The following DCC variants were observed in gnomAD, a reference collection of about 807,000 sequenced individuals.
DCC encodes netrin receptor DCC.
A neutral mutation model predicts 172.5 loss-of-function variants in DCC; 58 were observed. The ratio of observed to expected loss-of-function variants is 0.34; its 90% CI spans 0.27 to 0.42. The LOEUF (loss-of-function observed/expected upper bound fraction) is 0.42. Among genes scored for constraint, DCC ranks in the 10% least tolerant of loss-of-function variants. The pLI is 1.00. For missense variants in DCC, 1,740 were observed against 1,791.0 expected (o/e 0.97, Z 0.51); for synonymous variants, 709 against 644.5 (o/e 1.10, Z -1.52).
chr18:52,722,770 C>T (rs1183517449), intron 1 of DCC, among the ~76,000 whole-genome samples: 1 of 152,164 alleles, frequency 6.6e-6, no homozygotes, highest in African/African-American at 2.4e-5. Context: ...GGTCTCCTTT[C>T]ACCACCATTT....
chr18:52,781,144 GATA>G (rs1472198915), intron 2 of DCC, among the ~76,000 whole-genome samples: 1 of 152,116 alleles, frequency 6.6e-6, no homozygotes, highest in East Asian at 1.9e-4. Flanking sequence ...CTGATCTAAT[GATA>G]ATAGGTTGAG....
At chr18:52,922,428 C>T (rs949981093) in intron 3 of DCC, among the ~76,000 whole-genome samples, 1 of 152,068 alleles carries the variant, frequency 6.6e-6, no homozygotes, top group Non-Finnish European at 1.5e-5. Flanking sequence ...TCTCTTTGAC[C>T]ACCAGCAGCT....
intron 1 of DCC, among the ~76,000 whole-genome samples, chr18:52,534,320 A>G (rs557773032): frequency 1.3e-5 from 2 of 152,304 alleles, no homozygotes; most frequent in Admixed American, 1.3e-4. Flanking sequence ...ATATGAAAAA[A>G]TAATAAATTT....
intron 7 of DCC, among the ~76,000 whole-genome samples, chr18:53,128,834 C>T (rs916106954): frequency 4.6e-5 from 3 of 65,834 alleles, no homozygotes; most frequent in Non-Finnish European, 6.5e-5. Context: ...TACACATACA[C>T]ACACACACAC....
chr18:53,135,283 C>T (rs2043723149), intron 7 of DCC, among the ~76,000 whole-genome samples: 1 of 151,984 alleles, frequency 6.6e-6, no homozygotes, highest in South Asian at 2.1e-4. Flanking sequence ...ACTTGGCAGC[C>T]TTAAGCTCAA....
At chr18:52,922,740 CCCT>C (rs2040144824) in intron 3 of DCC, among the ~76,000 whole-genome samples, 4 of 152,170 alleles carry the variant, frequency 2.6e-5, no homozygotes, top group African/African-American at 4.8e-5. Flanking sequence ...GGGTAGAACA[CCCT>C]CCTCCAAGGA....
chr18:52,930,046 C>G (rs2040283324), intron 5 of DCC, among the ~76,000 whole-genome samples: 1 of 152,044 alleles, frequency 6.6e-6, no homozygotes, highest in African/African-American at 2.4e-5. Flanking sequence ...TTCGTGGTGT[C>G]AGATGATCCT....
chr18:53,076,837 G>T (rs1416608851), intron 7 of DCC, among the ~76,000 whole-genome samples: 1 of 152,280 alleles, frequency 6.6e-6, no homozygotes, highest in Non-Finnish European at 1.5e-5. Flanking sequence ...TGTCTCTGTT[G>T]CTAGGAGATT....
intron 2 of DCC, among the ~76,000 whole-genome samples, chr18:52,798,221 G>A (rs2145221240): frequency 6.6e-6 from 1 of 152,306 alleles, no homozygotes; most frequent in East Asian, 1.9e-4. Flanking sequence ...TAATTTTTAA[G>A]TGACTTAATA....
At chr18:52,628,932 G>A (rs952323442) in intron 1 of DCC, among the ~76,000 whole-genome samples, 7 of 152,146 alleles carry the variant, frequency 4.6e-5, no homozygotes, top group African/African-American at 1.7e-4. Context: ...TGACACACCG[G>A]CAATCTTTGA....
intron 1 of DCC, among the ~76,000 whole-genome samples, chr18:52,718,473 T>A (rs2036424161): frequency 1.3e-5 from 2 of 151,954 alleles, no homozygotes; most frequent in South Asian, 4.1e-4. Flanking sequence ...TCTTTGAAGC[T>A]GCCTTATTTC....
intron 2 of DCC, among the ~76,000 whole-genome samples, chr18:52,865,801 G>A (rs1236222655): frequency 6.6e-6 from 1 of 151,964 alleles, no homozygotes; most frequent in African/African-American, 2.4e-5. Context: ...TGTAGGTTCA[G>A]CATGCAAACA....
intron 12 of DCC, among the ~76,000 whole-genome samples, chr18:53,287,564 C>T (rs1239956946): frequency 1.3e-5 from 2 of 152,284 alleles, no homozygotes; most frequent in East Asian, 1.9e-4. Flanking sequence ...AACTGCTAAA[C>T]TATTTTTCAA....
chr18:53,013,589 C>T (rs1476951051), intron 5 of DCC, among the ~76,000 whole-genome samples: 1 of 151,338 alleles, frequency 6.6e-6, no homozygotes, highest in Admixed American at 6.6e-5. Flanking sequence ...ATACCTAATG[C>T]ATGTGGGGCT....
intron 2 of DCC, among the ~76,000 whole-genome samples, chr18:52,807,479 A>C (rs1326672896): frequency 2.0e-5 from 3 of 152,204 alleles, no homozygotes; most frequent in Non-Finnish European, 1.5e-5. Flanking sequence ...ATAAATTCAA[A>C]CATACATACT....
intron 2 of DCC, among the ~76,000 whole-genome samples, chr18:52,862,517 C>G (rs545113127): frequency 6.6e-6 from 1 of 151,786 alleles, no homozygotes; most frequent in Admixed American, 6.6e-5. Flanking sequence ...AGCCTGTATG[C>G]TGAAACCCCA....
chr18:53,192,396 T>C (rs1017991383), intron 9 of DCC, among the ~76,000 whole-genome samples: 1 of 152,152 alleles, frequency 6.6e-6, no homozygotes, highest in Non-Finnish European at 1.5e-5. Flanking sequence ...AATGTACATA[T>C]ACATTGCTCA....
At chr18:52,846,097 T>A (rs1049403768) in intron 2 of DCC, among the ~76,000 whole-genome samples, 4 of 152,230 alleles carry the variant, frequency 2.6e-5, no homozygotes, top group African/African-American at 9.6e-5. Context: ...TACAAGGATT[T>A]CATTGATTTC....
chr18:52,712,119 C>T (rs1382850642), intron 1 of DCC, among the ~76,000 whole-genome samples: 1 of 152,118 alleles, frequency 6.6e-6, no homozygotes, highest in African/African-American at 2.4e-5. Context: ...CACCACCACA[C>T]CCAGCTAATT....
Sources: gnomAD v4.1 joint callset for allele counts (sites outside exome capture counted in the v4.1 genomes callset) on GRCh38, gnomAD v4.1.1 for gene constraint, MANE v1.5 for transcripts, NCBI Gene and HGNC (gene_info 2026-07-23, HGNC 2026-07-21) for gene names.